EML5: variants seen among roughly 807,000 people sequenced by gnomAD.
EML5 encodes EMAP like 5.
In EML5, 120 loss-of-function variants were observed where a neutral mutation model predicts 250.0. The observed-to-expected ratio is 0.48, with a 90% CI of 0.41 to 0.56. The LOEUF is 0.56. EML5 is among the 20% of genes least tolerant of loss of function. The pLI is 0.00. For missense variants in EML5, 2,006 were observed against 2,437.6 expected, an observed-to-expected ratio of 0.82 and a Z score of 3.73; for synonymous variants, 771 against 806.5, an observed-to-expected ratio of 0.96 and a Z score of 0.75.
In EML5 at chr14:88,620,754, C is replaced by A; in HGVS notation, c.5375G>T (p.Arg1792Ile). The A allele has an allele frequency of 6.3e-7, 1 of 1,582,740 alleles. No homozygotes were observed. Among genetic ancestry groups the A allele is most frequent in the Non-Finnish European group, 8.6e-7 (1 of 1,169,186 alleles). ...AACTCTATTCCATTTGTTCACTAACCTGATATCATGGATTGCACATCTCCT... is the reference window on the plus strand; with the variant it reads ...AACTCTATTCCATTTGTTCACTAACATGATATCATGGATTGCACATCTCCT... ...RDRRCAIHDI[R>I]FSPDSRYLAV... is the part of the protein sequence containing the mutation. The change falls in exon 39 of 44, where the codon AGA (arginine) becomes ATA (isoleucine). Residue 1792 changes from arginine (R) to isoleucine (I), a missense_variant and splice_region_variant. This residue lies in a region of EML5 where 405 missense variants were observed against 523.3 expected (regional missense o/e 0.77). Transcript: ENST00000554922. This position sits in a 1 kb window ranked among gnomAD's most constrained non-coding sequence, Gnocchi z 4.3.
chr14:88,738,397 AT>A (rs145502261), intron 6 of EML5, among the ~76,000 whole-genome samples: 1 of 148,248 alleles, frequency 6.7e-6, no homozygotes, highest in African/African-American at 2.5e-5. Flanking sequence ...TATTACATCA[AT>A]TTTTTTTAAT....
At chr14:88,654,303 T>A (rs2091774492) in intron 27 of EML5, among the ~76,000 whole-genome samples, 5 of 152,192 alleles carry the variant, frequency 3.3e-5, no homozygotes, top group Admixed American at 3.3e-4. Flanking sequence ...CTGATCTTTA[T>A]TTCTTGTCTT....
intron 2 of EML5, among the ~76,000 whole-genome samples, chr14:88,747,082 A>G (rs989451438): frequency 6.6e-6 from 1 of 152,076 alleles, no homozygotes; most frequent in African/African-American, 2.4e-5. Context: ...GAATTCCTAC[A>G]GGTAGCAATT....
At chr14:88,666,720 A>G (rs1567091332) in intron 21 of EML5, among the ~76,000 whole-genome samples, 1 of 152,136 alleles carries the variant, frequency 6.6e-6, no homozygotes, top group Non-Finnish European at 1.5e-5. Flanking sequence ...GATAAACACA[A>G]AAAAGGGCTT....
Position 88,748,368 on chromosome 14 carries a change from C to T in EML5, c.358-2085G>A, listed in dbSNP as rs147470112. ...ACCAGAATGAAGATACCTCTTTGAA[C>T]TCGCTGGGCAGTCATTAGGAATCCT... On this transcript the variant is annotated intron_variant, in intron 2 of 43. Coordinates refer to ENST00000554922, the MANE Select transcript of EML5 (RefSeq NM_183387.3). Among the ~76,000 whole-genome samples the T allele has an allele frequency of 1.7e-3, 252 of 152,266 alleles. 1 individual carries two copies. Among genetic ancestry groups the T allele is most frequent in the African/African-American group, 5.5e-3 (230 of 41,560 alleles).
At chr14:88,643,605 C>A (rs1771921000) in intron 30 of EML5, among the ~76,000 whole-genome samples, 1 of 152,126 alleles carries the variant, frequency 6.6e-6, no homozygotes, top group African/African-American at 2.4e-5. Context: ...CATAGAGGGA[C>A]TGTATTTTTT....
Position 88,792,887 on chromosome 14 carries a change from C to T in EML5, c.-384G>A, listed in dbSNP as rs543891382. ...GCCCCGGTCACCTGCGGCGCTCGCG[C>T]CCCGCCGCGGCTTTGTAGCCACAGC... On this transcript the variant is annotated 5_prime_UTR_variant, in exon 1 of 44. Coordinates refer to ENST00000554922, the MANE Select transcript of EML5 (RefSeq NM_183387.3). This position sits in a 1 kb window ranked among gnomAD's most constrained non-coding sequence, Gnocchi z 6.9. The T allele has an allele frequency of 3.2e-6, 1 of 308,488 alleles. No homozygotes were observed. The highest frequency in any genetic ancestry group is 4.7e-6 in the Non-Finnish European group (1 of 210,974). The allele number at this position is 308,488 out of a possible 1,614,324, so 19.1% of individuals were successfully genotyped here. A position where few individuals can be genotyped will look rare whatever the true frequency, so the allele number is the denominator to read the frequency against.
chr14:88,688,557 T>C, intron 17 of EML5, 84 bp from the exon 18 acceptor site: 1 of 1,394,558 alleles, frequency 7.2e-7, no homozygotes, highest in Non-Finnish European at 9.9e-7. Flanking sequence ...CTACTGTTGT[T>C]GTTGTTGTTT....
chr14:88,763,304 A>C (rs2094274393), intron 1 of EML5, among the ~76,000 whole-genome samples: 1 of 152,124 alleles, frequency 6.6e-6, no homozygotes, highest in Admixed American at 6.6e-5. Flanking sequence ...TAGACACAAT[A>C]AAAAATGATA....
At chr14:88,726,086 C>A (rs1016915759) in intron 8 of EML5, among the ~76,000 whole-genome samples, 6 of 152,092 alleles carry the variant, frequency 3.9e-5, no homozygotes, top group African/African-American at 1.2e-4. Context: ...TTACCAAATT[C>A]TTTAAATTTT....
intron 32 of EML5, among the ~76,000 whole-genome samples, chr14:88,634,865 A>C (rs1418772851): frequency 6.6e-6 from 1 of 152,198 alleles, no homozygotes; most frequent in Non-Finnish European, 1.5e-5. Flanking sequence ...TTACTATATA[A>C]CTCAAGAAAG....
chr14:88,712,571 A>T (rs1239474209), intron 9 of EML5, 88 bp from the exon 10 acceptor site: 2 of 1,022,466 alleles, frequency 2.0e-6, no homozygotes, highest in East Asian at 5.3e-5. Flanking sequence ...GTAAATTCCA[A>T]AATTTAATGT....
intron 14 of EML5, among the ~76,000 whole-genome samples, chr14:88,700,825 G>A (rs1387085915): frequency 2.6e-5 from 4 of 152,174 alleles, no homozygotes; most frequent in Non-Finnish European, 4.4e-5. Flanking sequence ...GACCCAGTTT[G>A]TGTTAATATA....
Position 88,715,048 on chromosome 14 carries a change from G to C in EML5, c.1335C>G (p.Gly445=). 6.2e-7 allele frequency: 1 copy of C among 1,613,702 alleles called. No individual in the cohort carries two copies. The change falls in exon 9 of 44, where the codon GGC becomes GGG. Residue 445 remains glycine (G), a synonymous_variant. Transcript: ENST00000554922. ...TGAAACTAAGGGATCCCAAACACTC[G>C]CCAACTTTTTTATAACGCTGAGCAA... The part of the protein sequence containing the change: ...YGVAQRYKKV[G]ECLGSLSFIT...
At chr14:88,739,618 T>A (rs2093895462) in intron 5 of EML5, among the ~76,000 whole-genome samples, 2 of 152,162 alleles carry the variant, frequency 1.3e-5, no homozygotes, top group African/African-American at 4.8e-5. Flanking sequence ...CTTTGGGCTG[T>A]GAGAGACTTT....
intron 1 of EML5, among the ~76,000 whole-genome samples, chr14:88,773,643 A>G (rs1595855714): frequency 6.6e-6 from 1 of 152,170 alleles, no homozygotes; most frequent in East Asian, 1.9e-4. Context: ...AACAAACGAT[A>G]CCTGGACCCC....
chr14:88,637,069 G>A (rs2090777959), intron 32 of EML5, among the ~76,000 whole-genome samples: 1 of 152,190 alleles, frequency 6.6e-6, no homozygotes, highest in African/African-American at 2.4e-5. Flanking sequence ...CATTGTAAAT[G>A]CTGTTTTGTG....
At chr14:88,738,654 T>C (rs575108020) in intron 6 of EML5, among the ~76,000 whole-genome samples, 16 of 152,320 alleles carry the variant, frequency 1.1e-4, no homozygotes, top group South Asian at 4.1e-4. Context: ...TTATAATAGA[T>C]ATTAGACTTA....
rs2094619002 is a variant in EML5 at position 88,792,329 on chromosome 14, C to T, written c.175G>A (p.Gly59Ser). Residue 59 changes from glycine to serine, a missense_variant, in exon 1 of 44, where the codon GGC becomes AGC. By Grantham distance (56) the Gly-to-Ser change is moderately conservative (BLOSUM62 0). Around this residue, in one of 7 missense-constraint regions of EML5, gnomAD observed 162 missense variants for 212.2 expected, o/e 0.76. Coordinates refer to ENST00000554922, the MANE Select transcript of EML5 (RefSeq NM_183387.3). This position sits in a 1 kb window ranked among gnomAD's most constrained non-coding sequence, Gnocchi z 6.9. ...TACCTGATGATGTCGTCGCTGTGGC[C>T]CCGGTAGAACTTCTGCCTGTGCTCC... ...PREHRQKFYR[G>S]HSDDIISLAL... 1 of 1,563,012 alleles carries T rather than the reference C, an allele frequency of 6.4e-7. No individual in the cohort carries two copies. The highest frequency in any genetic ancestry group is 1.4e-5 in the African/African-American group (1 of 73,374).
Sources: gnomAD v4.1 joint callset for allele counts (sites outside exome capture counted in the v4.1 genomes callset) on GRCh38, gnomAD v4.1.1 for gene constraint, gnomAD v4.1.1 regional missense constraint, Gnocchi (gnomAD v3.1) non-coding constraint, MANE v1.5 for transcripts, NCBI Gene and HGNC (gene_info 2026-07-23, HGNC 2026-07-21) for gene names.